SHLD1: variants seen among roughly 807,000 people sequenced by gnomAD.
SHLD1 encodes RINN1-REV7-interacting novel NHEJ regulator 3.
Under a neutral mutation model 5.5 loss-of-function variants are expected in SHLD1, and 3 were observed. That is an observed-to-expected ratio of 0.54 (90% CI 0.25 to 1.40). The LOEUF (loss-of-function observed/expected upper bound fraction) is 1.40, where lower values mean the gene tolerates loss of function less well. Among genes scored for constraint, SHLD1 ranks in the 40% most tolerant of loss-of-function variants. SHLD1 has a pLI of 0.15. For missense variants in SHLD1, 210 were observed against 244.4 expected (o/e 0.86, Z 0.94); for synonymous variants, 92 against 94.3 (o/e 0.98, Z 0.14).
At position 5,806,070 on chromosome 20, in the gene SHLD1, G is replaced by GC. The variant is rs1403194405; in HGVS notation, c.178+33030dup. ...TTTAGAGATGCGGCCTTGCTCTGTT[G>GC]CCCAGGCTAGTTTAGAACTCCTGGG... On this transcript the variant is annotated intron_variant, in intron 2 of 2. Transcript: ENST00000303142. The surrounding 1 kb of genome is among the most constrained non-coding windows in gnomAD (Gnocchi z 7.6). Among the ~76,000 whole-genome samples the GC allele has an allele frequency of 1.3e-5, 2 of 152,116 alleles. No homozygotes were observed.
intron 2 of SHLD1, among the ~76,000 whole-genome samples, chr20:5,819,030 T>C (rs2087574137): frequency 6.6e-6 from 1 of 152,090 alleles, no homozygotes; most frequent in African/African-American, 2.4e-5. Flanking sequence ...ACCCAGCTGA[T>C]TTTTGTGTTT....
chr20:5,813,945 C>CTTTCTTT (rs2087493223), intron 2 of SHLD1, among the ~76,000 whole-genome samples: 1 of 79,976 alleles, frequency 1.3e-5, no homozygotes, highest in Non-Finnish European at 2.3e-5. Context: ...CCTTTTCTTT[C>CTTTCTTT]TTTTTTTTTT....
At chr20:5,845,392 T>TA (rs1221017237) in intron 2 of SHLD1, among the ~76,000 whole-genome samples, 4 of 152,292 alleles carry the variant, frequency 2.6e-5, no homozygotes, top group Admixed American at 2.6e-4. Context: ...TCATAGCCAG[T>TA]AAAGGACTTG....
At chr20:5,854,088 C>CTCCA (rs1491412729) in intron 2 of SHLD1, among the ~76,000 whole-genome samples, 1 of 151,934 alleles carries the variant, frequency 6.6e-6, no homozygotes, top group Non-Finnish European at 1.5e-5. Flanking sequence ...TCACTGCAAC[C>CTCCA]TCCACCTCCC....
At chr20:5,766,444 C>T (rs1984832624) in intron 1 of SHLD1, among the ~76,000 whole-genome samples, 1 of 152,192 alleles carries the variant, frequency 6.6e-6, no homozygotes, top group Non-Finnish European at 1.5e-5. Flanking sequence ...TTTAATATGT[C>T]TCCTATCTTT....
At chr20:5,841,357 G>T (rs2087857885) in intron 2 of SHLD1, among the ~76,000 whole-genome samples, 1 of 152,112 alleles carries the variant, frequency 6.6e-6, no homozygotes, top group Non-Finnish European at 1.5e-5. Context: ...TAGAAAAACA[G>T]AAATTTGCAT....
intron 2 of SHLD1, among the ~76,000 whole-genome samples, chr20:5,843,687 A>G (rs1051315009): frequency 1.3e-5 from 2 of 152,222 alleles, no homozygotes; most frequent in African/African-American, 2.4e-5. Context: ...CAGCTCAGTC[A>G]AACATTTTAA....
intron 2 of SHLD1, among the ~76,000 whole-genome samples, chr20:5,833,775 C>T (rs989448574): frequency 6.7e-6 from 1 of 149,058 alleles, no homozygotes; most frequent in African/African-American, 2.5e-5. Context: ...CATGTCTAGA[C>T]AGAGATAGGG....
chr20:5,757,963 G>GGCT (rs1984216645), intron 1 of SHLD1, among the ~76,000 whole-genome samples: 2 of 152,156 alleles, frequency 1.3e-5, no homozygotes, highest in African/African-American at 2.4e-5. Flanking sequence ...GTCCATGTTA[G>GGCT]AGTATGATCC....
intron 2 of SHLD1, among the ~76,000 whole-genome samples, chr20:5,844,537 C>T (rs941906125): frequency 6.6e-6 from 1 of 152,050 alleles, no homozygotes; most frequent in African/African-American, 2.4e-5. Flanking sequence ...GCTGTTTCTG[C>T]CCACACTAGG....
At chr20:5,782,536 G>A (rs1023080210) in intron 2 of SHLD1, among the ~76,000 whole-genome samples, 8 of 152,138 alleles carry the variant, frequency 5.3e-5, no homozygotes, top group African/African-American at 1.4e-4. Context: ...GAGCAGTGTC[G>A]GGGAAATTGG....
At chr20:5,838,076 T>C (rs909904056) in intron 2 of SHLD1, among the ~76,000 whole-genome samples, 8 of 152,216 alleles carry the variant, frequency 5.3e-5, no homozygotes. Flanking sequence ...TGTATAGTTA[T>C]GATAGTATAA....
intron 2 of SHLD1, among the ~76,000 whole-genome samples, chr20:5,835,001 G>A (rs1408430095): frequency 2.0e-5 from 3 of 152,132 alleles, no homozygotes; most frequent in Admixed American, 2.0e-4. Context: ...TTGGAGGTTA[G>A]GATTTCAACA....
chr20:5,758,048 G>A (rs1011104823), intron 1 of SHLD1, among the ~76,000 whole-genome samples: 1 of 152,006 alleles, frequency 6.6e-6, no homozygotes, highest in Non-Finnish European at 1.5e-5. Context: ...CCTGATGTCA[G>A]GGTAATACAG....
At chr20:5,796,405 C>T (rs187905535) in intron 2 of SHLD1, among the ~76,000 whole-genome samples, 45 of 139,670 alleles carry the variant, frequency 3.2e-4, no homozygotes, top group African/African-American at 9.8e-4. Flanking sequence ...AGTTGCCCCT[C>T]TAGAGTTTTT....
intron 2 of SHLD1, among the ~76,000 whole-genome samples, chr20:5,860,146 C>T (rs774467104): frequency 2.7e-5 from 4 of 150,932 alleles, no homozygotes; most frequent in Non-Finnish European, 5.9e-5. Context: ...AGGTCATCTG[C>T]GGGTAAGAAG....
At chr20:5,765,855 G>A (rs189368734) in intron 1 of SHLD1, among the ~76,000 whole-genome samples, 2 of 129,206 alleles carry the variant, frequency 1.5e-5, no homozygotes, top group East Asian at 2.4e-4. Context: ...CTGACCTCAC[G>A]TGATCCACCC....
intron 1 of SHLD1, among the ~76,000 whole-genome samples, chr20:5,751,134 A>G (rs546543546): frequency 1.3e-5 from 2 of 152,334 alleles, no homozygotes; most frequent in African/African-American, 2.4e-5. Flanking sequence ...CAGTCATTCT[A>G]CATTCACCAC....
chr20:5,802,454 A>C (rs372703441), intron 2 of SHLD1, among the ~76,000 whole-genome samples: 19 of 152,270 alleles, frequency 1.2e-4, no homozygotes, highest in African/African-American at 4.6e-4. Flanking sequence ...ACTTTGAATA[A>C]TACTAGTACG....
Sources: gnomAD v4.1 joint callset for allele counts (sites outside exome capture counted in the v4.1 genomes callset) on GRCh38, gnomAD v4.1.1 for gene constraint, Gnocchi (gnomAD v3.1) non-coding constraint, MANE v1.5 for transcripts, NCBI Gene and HGNC (gene_info 2026-07-23, HGNC 2026-07-21) for gene names.